TASP1: variants seen among roughly 807,000 people sequenced by gnomAD.
The protein encoded by TASP1 is threonine aspartase 1.
In TASP1, 16 loss-of-function variants were observed where a neutral mutation model predicts 56.6. The observed-to-expected ratio is 0.28, with a 90% CI of 0.19 to 0.43. The LOEUF (loss-of-function observed/expected upper bound fraction) is 0.43, where lower values mean the gene tolerates loss of function less well. TASP1 is among the 20% of genes least tolerant of loss of function. The pLI is 1.00. For synonymous variants in TASP1, 179 were observed against 184.2 expected, an observed-to-expected ratio of 0.97 and a Z score of 0.23; for missense variants, 393 against 511.6, an observed-to-expected ratio of 0.77 and a Z score of 2.24.
chr20:13,599,718 A>G (rs542239977), intron 4 of TASP1, among the ~76,000 whole-genome samples: 11 of 152,064 alleles, frequency 7.2e-5, no homozygotes, highest in Non-Finnish European at 1.5e-4. Context: ...TAAGAGAAAA[A>G]GGAAAAAACC....
intron 10 of TASP1, among the ~76,000 whole-genome samples, chr20:13,528,219 C>CAAAAAA (rs397942980): frequency 0.02 from 1,073 of 53,452 alleles, no homozygotes; most frequent in East Asian, 0.03. Flanking sequence ...GACTCTGACT[C>CAAAAAA]AAAAAAAAAA....
chr20:13,498,964 G>A (rs766505071), intron 10 of TASP1, among the ~76,000 whole-genome samples: 1 of 152,036 alleles, frequency 6.6e-6, no homozygotes, highest in East Asian at 1.9e-4. Context: ...CCATTACCAA[G>A]TATATACCCA....
intron 13 of TASP1, 42 bp from the exon 14 acceptor site, chr20:13,390,494 G>A (rs367762994): frequency 8.7e-5 from 137 of 1,579,812 alleles, no homozygotes; most frequent in Non-Finnish European, 1.0e-4. Flanking sequence ...AGGGGTCAGC[G>A]GTGTCCCTTG....
the TASP1 span, among the ~76,000 whole-genome samples, chr20:13,221,255 C>CCTCCTCCTCCTT: frequency 7.6e-6 from 1 of 131,146 alleles, no homozygotes; most frequent in African/African-American, 3.6e-5. Context: ...TCCTCCTCCT[C>CCTCCTCCTCCTT]CTCCTCCTTC....
At chr20:13,374,163 C>G in the TASP1 span, among the ~76,000 whole-genome samples, 3 of 152,100 alleles carry the variant, frequency 2.0e-5, no homozygotes, top group Non-Finnish European at 2.9e-5. Flanking sequence ...CTTCTTTAAG[C>G]ATTTTTAAAA....
chr20:13,131,431 A>G, the TASP1 span, among the ~76,000 whole-genome samples: 57 of 152,342 alleles, frequency 3.7e-4, no homozygotes, highest in African/African-American at 1.3e-3. Context: ...AGAAGAATTA[A>G]GTGATGTGAT....
At chr20:13,293,362 C>T in the TASP1 span, among the ~76,000 whole-genome samples, 2 of 152,130 alleles carry the variant, frequency 1.3e-5, no homozygotes, top group Non-Finnish European at 2.9e-5. Flanking sequence ...TTTGAAATAG[C>T]TTTATGTGCT....
At chr20:13,598,051 G>A (rs953490720) in intron 4 of TASP1, among the ~76,000 whole-genome samples, 14 of 152,138 alleles carry the variant, frequency 9.2e-5, no homozygotes, top group African/African-American at 3.4e-4. Flanking sequence ...ACAAATGGAA[G>A]AACAGTCCAT....
At chr20:13,299,391 C>G in the TASP1 span, 16 of 1,613,094 alleles carry the variant, frequency 9.9e-6, no homozygotes, top group East Asian at 3.3e-4. The surrounding 1 kb of genome is among the most constrained non-coding windows in gnomAD (Gnocchi z 5.8). Flanking sequence ...CAACAACGGA[C>G]AGAAGTGCAC....
downstream of TASP1, among the ~76,000 whole-genome samples, chr20:13,385,029 TTTAAGAAAAATTTTGGAAGACA>T (rs2041154375): frequency 6.6e-6 from 1 of 152,176 alleles, no homozygotes; most frequent in African/African-American, 2.4e-5. Context: ...AACATTTAGT[TTTAAGAAAAATTTTGGAAGACA>T]TTAAGAAAAA....
the TASP1 span, among the ~76,000 whole-genome samples, chr20:13,376,768 T>C: frequency 2.0e-5 from 3 of 152,212 alleles, no homozygotes; most frequent in Admixed American, 6.5e-5. Flanking sequence ...CAGTGGCTTG[T>C]AGTTTTCCTT....
At chr20:13,616,567 A>C (rs1457577012) in intron 4 of TASP1, among the ~76,000 whole-genome samples, 1 of 152,192 alleles carries the variant, frequency 6.6e-6, no homozygotes, top group Non-Finnish European at 1.5e-5. Flanking sequence ...ACTTGGTCAA[A>C]AGCTAACACC....
the TASP1 span, among the ~76,000 whole-genome samples, chr20:13,234,288 A>G: frequency 6.6e-6 from 1 of 152,192 alleles, no homozygotes; most frequent in Non-Finnish European, 1.5e-5. Flanking sequence ...TGCGAGAGAC[A>G]TGACTTCATT....
At chr20:13,599,473 A>G (rs1162746690) in intron 4 of TASP1, among the ~76,000 whole-genome samples, 3 of 152,172 alleles carry the variant, frequency 2.0e-5, no homozygotes, top group African/African-American at 4.8e-5. Context: ...TGGGAACTGA[A>G]TAATGAAAAC....
chr20:13,474,623 T>C (rs2044651704), intron 11 of TASP1, among the ~76,000 whole-genome samples: 1 of 152,196 alleles, frequency 6.6e-6, no homozygotes, highest in Non-Finnish European at 1.5e-5. Flanking sequence ...TTTCTTATAA[T>C]GACTTCATTT....
In TASP1 at chr20:13,500,840, C is replaced by T. The variant is rs537046178; in HGVS notation, c.875-17503G>A. 2.0e-5 allele frequency among the ~76,000 whole-genome samples: 3 copies of T among 152,104 alleles called. No individual in the cohort carries two copies. In the South Asian group the frequency reaches 6.2e-4, roughly 31 times the overall value. ...AGAGAGAACACGCCAGAATAAATAA[C>T]TGAAAATATAATAGCTAAGAATTTT... On this transcript the variant is annotated intron_variant, in intron 10 of 13. Coordinates refer to ENST00000337743, the MANE Select transcript of TASP1 (RefSeq NM_017714.3).
chr20:13,329,272 A>C, the TASP1 span, among the ~76,000 whole-genome samples: 1 of 152,226 alleles, frequency 6.6e-6, no homozygotes. Flanking sequence ...GAGGTAAGTC[A>C]GGTAAAATGA....
chr20:13,279,725 A>G, the TASP1 span: 1 of 1,613,990 alleles, frequency 6.2e-7, no homozygotes, highest in South Asian at 1.1e-5. Flanking sequence ...CCATCCCCCG[A>G]CTGGCGGGCC....
At chr20:13,521,708 C>A (rs2044765138) in intron 10 of TASP1, among the ~76,000 whole-genome samples, 1 of 151,682 alleles carries the variant, frequency 6.6e-6, no homozygotes, top group Non-Finnish European at 1.5e-5. Context: ...GTGCAGCACA[C>A]CAACATGGCA....
Sources: gnomAD v4.1 joint callset for allele counts (sites outside exome capture counted in the v4.1 genomes callset) on GRCh38, gnomAD v4.1.1 for gene constraint, Gnocchi (gnomAD v3.1) non-coding constraint, MANE v1.5 for transcripts, NCBI Gene and HGNC (gene_info 2026-07-23, HGNC 2026-07-21) for gene names.